The following SCHIP1 variants were observed in gnomAD, a reference collection of about 807,000 sequenced individuals.
SCHIP1 encodes the protein schwannomin interacting protein 1.
A neutral mutation model predicts 29.7 loss-of-function variants in SCHIP1; 8 were observed. That is an observed-to-expected ratio of 0.27 (90% confidence interval 0.16 to 0.49). The LOEUF is 0.49. Ranked by LOEUF, SCHIP1 falls within the 20% of genes least tolerant of loss-of-function variation. The probability of loss-of-function intolerance (pLI) is 0.99; values close to 1 mark genes in which losing one functional copy is unlikely to be tolerated. For synonymous variants in SCHIP1, 76 were observed against 94.9 expected (o/e 0.80, Z 1.16); for missense variants, 193 against 294.6 (o/e 0.66, Z 2.52).
the SCHIP1 span, among the ~76,000 whole-genome samples, chr3:159,474,794 T>C: frequency 6.6e-6 from 1 of 152,262 alleles, no homozygotes; most frequent in Non-Finnish European, 1.5e-5. Flanking sequence ...GAGGAACCAC[T>C]AGTCAGAGAC....
the SCHIP1 span, among the ~76,000 whole-genome samples, chr3:159,457,441 C>A: frequency 3.4e-4 from 51 of 150,898 alleles, 1 homozygote; most frequent in African/African-American, 1.2e-3. Context: ...AGGGAAGTTG[C>A]AAAATTGGTG....
chr3:159,499,501 T>C, the SCHIP1 span, among the ~76,000 whole-genome samples: 1 of 152,254 alleles, frequency 6.6e-6, no homozygotes, highest in Non-Finnish European at 1.5e-5. Flanking sequence ...ATATTTGGTA[T>C]TGCCAAGTCG....
the SCHIP1 span, among the ~76,000 whole-genome samples, chr3:159,669,468 G>A: frequency 6.6e-6 from 1 of 152,324 alleles, no homozygotes; most frequent in African/African-American, 2.4e-5. Flanking sequence ...ATGGATAACG[G>A]ATGTGATGTG....
the SCHIP1 span, among the ~76,000 whole-genome samples, chr3:159,817,121 T>A: frequency 6.6e-6 from 1 of 152,212 alleles, no homozygotes; most frequent in Non-Finnish European, 1.5e-5. Flanking sequence ...TCTCAAGCGC[T>A]TAATAAATAT....
At chr3:159,759,799 C>T in the SCHIP1 span, among the ~76,000 whole-genome samples, 29 of 152,252 alleles carry the variant, frequency 1.9e-4, no homozygotes, top group Admixed American at 5.9e-4. Context: ...CTAAATGCCA[C>T]GACTTAAGGT....
the SCHIP1 span, among the ~76,000 whole-genome samples, chr3:159,522,362 A>G: frequency 6.6e-6 from 1 of 152,252 alleles, no homozygotes; most frequent in East Asian, 1.9e-4. Flanking sequence ...CTTGTAAAGC[A>G]TAGGGCGTGT....
the SCHIP1 span, among the ~76,000 whole-genome samples, chr3:159,492,348 T>C: frequency 6.6e-6 from 1 of 152,000 alleles, no homozygotes; most frequent in Non-Finnish European, 1.5e-5. Flanking sequence ...AGTTAAAAAC[T>C]TTGAAAAAAG....
At chr3:159,304,132 G>A in the SCHIP1 span, among the ~76,000 whole-genome samples, 1 of 151,720 alleles carries the variant, frequency 6.6e-6, no homozygotes, top group South Asian at 2.1e-4. Flanking sequence ...TTGTTCTTGC[G>A]ATAGTTTACT....
At chr3:159,403,260 T>C in the SCHIP1 span, among the ~76,000 whole-genome samples, 4 of 152,140 alleles carry the variant, frequency 2.6e-5, no homozygotes, top group African/African-American at 9.7e-5. Flanking sequence ...TGGAGATTTT[T>C]AACTCTCCCC....
the SCHIP1 span, among the ~76,000 whole-genome samples, chr3:159,739,481 G>C: frequency 6.6e-6 from 1 of 152,286 alleles, no homozygotes; most frequent in African/African-American, 2.4e-5. Context: ...CAAGAAGAAG[G>C]CTGCTAAATA....
At chr3:159,362,895 C>A in the SCHIP1 span, among the ~76,000 whole-genome samples, 30,569 of 152,114 alleles carry the variant, frequency 0.2, 4,321 homozygotes, top group African/African-American at 0.39. Context: ...ACAAAGCAAT[C>A]CCCACCCCTG....
the SCHIP1 span, among the ~76,000 whole-genome samples, chr3:159,659,785 A>C: frequency 5.9e-5 from 9 of 152,224 alleles, no homozygotes; most frequent in Non-Finnish European, 1.0e-4. Flanking sequence ...AATGATTTCA[A>C]ATGTGTCCTG....
At chr3:159,315,389 C>A in the SCHIP1 span, among the ~76,000 whole-genome samples, 2,545 of 102,720 alleles carry the variant, frequency 0.025, 78 homozygotes, top group African/African-American at 0.092. Flanking sequence ...TTTGTATTTT[C>A]TTTCTTTTTT....
At chr3:159,680,710 TATA>T in the SCHIP1 span, among the ~76,000 whole-genome samples, 1 of 87,618 alleles carries the variant, frequency 1.1e-5, no homozygotes, top group Non-Finnish European at 2.0e-5. Flanking sequence ...ATATATTATA[TATA>T]ATATATGTAT....
At chr3:159,712,457 C>T in the SCHIP1 span, among the ~76,000 whole-genome samples, 12 of 152,092 alleles carry the variant, frequency 7.9e-5, no homozygotes, top group Non-Finnish European at 1.6e-4. Flanking sequence ...TGGCTCATGC[C>T]TGTAATCCCA....
the SCHIP1 span, among the ~76,000 whole-genome samples, chr3:159,567,296 T>A: frequency 2.0e-4 from 30 of 152,350 alleles, no homozygotes; most frequent in South Asian, 3.7e-3. Context: ...TCTACTTTGT[T>A]CCTACAGTGT....
the SCHIP1 span, among the ~76,000 whole-genome samples, chr3:159,543,245 C>T: frequency 6.7e-6 from 1 of 150,346 alleles, no homozygotes; most frequent in Non-Finnish European, 1.5e-5. Flanking sequence ...TTTTAGGGTA[C>T]ATGTGCACAA....
At position 159,852,627 on chromosome 3, in the gene SCHIP1, G is replaced by A. The variant is rs576309234; in HGVS notation, c.30+12413G>A. On this transcript the variant is annotated intron_variant, in intron 1 of 6. Coordinates refer to ENST00000445224, the Ensembl canonical transcript of SCHIP1. ...GCCACTGCTTGAATTTTAAAGAAAA[G>A]TTGATGGATCTTTTTCTGTTGCCTA... Among the ~76,000 whole-genome samples, 101 of 152,266 alleles carry A rather than the reference G, an allele frequency of 6.6e-4. No individual in the cohort carries two copies. The Middle Eastern group carries it at 0.014, about 21-fold the overall frequency.
chr3:159,551,874 T>TG, the SCHIP1 span, among the ~76,000 whole-genome samples: 1 of 152,004 alleles, frequency 6.6e-6, no homozygotes, highest in Non-Finnish European at 1.5e-5. Context: ...TATCCCCAGT[T>TG]GATGTTACTA....
Sources: gnomAD v4.1 joint callset for allele counts (sites outside exome capture counted in the v4.1 genomes callset) on GRCh38, gnomAD v4.1.1 for gene constraint, MANE v1.5 for transcripts, NCBI Gene and HGNC (gene_info 2026-07-23, HGNC 2026-07-21) for gene names.